RFX4: variants seen among roughly 807,000 people sequenced by gnomAD.
RFX4 encodes the protein regulatory factor X4, also known as transcription factor RFX4.
A neutral mutation model predicts 95.0 loss-of-function variants in RFX4; 10 were observed. That is an observed-to-expected ratio of 0.11 (90% CI 0.06 to 0.18). The LOEUF (loss-of-function observed/expected upper bound fraction) is 0.18. Among genes scored for constraint, RFX4 ranks in the 10% least tolerant of loss-of-function variants. RFX4 has a pLI of 1.00. For synonymous variants in RFX4, 321 were observed against 340.7 expected, an observed-to-expected ratio of 0.94 and a Z score of 0.64; for missense variants, 640 against 922.0, an observed-to-expected ratio of 0.69 and a Z score of 3.96.
intron 2 of RFX4, among the ~76,000 whole-genome samples, chr12:106,613,693 T>C (rs1323889461): frequency 6.6e-6 from 1 of 152,126 alleles, no homozygotes; most frequent in African/African-American, 2.4e-5. Flanking sequence ...GATATTAGTC[T>C]GTAGTTTTCT....
At chr12:106,713,190 A>G (rs898867019) in intron 10 of RFX4, among the ~76,000 whole-genome samples, 3 of 152,184 alleles carry the variant, frequency 2.0e-5, no homozygotes, top group Non-Finnish European at 2.9e-5. Flanking sequence ...ACACACATAC[A>G]CAGCAAGTCA....
At chr12:106,612,198 A>C (rs12310706) in intron 2 of RFX4, among the ~76,000 whole-genome samples, 1 of 151,932 alleles carries the variant, frequency 6.6e-6, no homozygotes, top group Admixed American at 6.5e-5. Context: ...ATTGCTTTGG[A>C]TAGTTTTAAC....
intron 17 of RFX4, among the ~76,000 whole-genome samples, chr12:106,756,508 G>C (rs2043111242): frequency 6.6e-6 from 1 of 152,032 alleles, no homozygotes; most frequent in South Asian, 2.1e-4. Flanking sequence ...GGACCATTGG[G>C]TGCTACAAAG....
intron 1 of RFX4, among the ~76,000 whole-genome samples, chr12:106,593,517 T>C (rs930465800): frequency 2.0e-5 from 3 of 152,198 alleles, no homozygotes; most frequent in Admixed American, 6.5e-5. Flanking sequence ...TAACGAGTGA[T>C]TAGTGATTGA....
chr12:106,718,879 G>C (rs2042341848), intron 11 of RFX4, among the ~76,000 whole-genome samples: 1 of 151,872 alleles, frequency 6.6e-6, no homozygotes, highest in Non-Finnish European at 1.5e-5. Flanking sequence ...GGGAGGCCAA[G>C]GCGGGCGGAT....
intron 13 of RFX4, among the ~76,000 whole-genome samples, chr12:106,729,805 T>C (rs529052805): frequency 1.3e-4 from 20 of 152,348 alleles, no homozygotes; most frequent in African/African-American, 4.6e-4. Flanking sequence ...GTGGCAGAGC[T>C]AGGATCTCAA....
intron 2 of RFX4, among the ~76,000 whole-genome samples, chr12:106,635,561 C>T (rs926867064): frequency 6.6e-6 from 1 of 152,118 alleles, no homozygotes; most frequent in Non-Finnish European, 1.5e-5. Context: ...GATCTGCCCC[C>T]CTCCGCCTCC....
chr12:106,674,173 A>C (rs1384574576), intron 4 of RFX4, among the ~76,000 whole-genome samples: 5 of 152,050 alleles, frequency 3.3e-5, no homozygotes, highest in East Asian at 1.9e-4. Context: ...ACAAGCTCCC[A>C]CCCAGGTCCT....
Position 106,601,457 on chromosome 12 carries a change from T to C in RFX4, c.44-7340T>C, listed in dbSNP as rs1165619526. 4.3e-6 allele frequency: 5 copies of C among 1,158,544 alleles called. No individual in the cohort carries two copies. The East Asian group carries it at 7.8e-5, about 18-fold the overall frequency. The allele number at this position is 1,158,544 out of a possible 1,614,324, so 71.8% of individuals were successfully genotyped here. A position where few individuals can be genotyped will look rare whatever the true frequency, so the allele number is the denominator to read the frequency against. On this transcript the variant is annotated intron_variant, in intron 1 of 17. Transcript: ENST00000392842. Reference sequence around the variant, plus strand: ...TGAGTGTGGCATGTCAACTCTTTTATGTAGCGTTTCTGGAGCTGCAATTTC... The same window carrying C: ...TGAGTGTGGCATGTCAACTCTTTTACGTAGCGTTTCTGGAGCTGCAATTTC...
chr12:106,647,909 G>C (rs1360668812), intron 3 of RFX4, among the ~76,000 whole-genome samples: 1 of 152,144 alleles, frequency 6.6e-6, no homozygotes, highest in Admixed American at 6.5e-5. Context: ...CTATATGCTT[G>C]TAAGTGGTGG....
chr12:106,671,649 CTTCTTTCTTTTCTT>C (rs1308265920), intron 4 of RFX4, among the ~76,000 whole-genome samples: 2 of 151,590 alleles, frequency 1.3e-5, no homozygotes, highest in African/African-American at 4.8e-5. Flanking sequence ...TGTTGTTTTC[CTTCTTTCTTTTCTT>C]TTCTTTCTTT....
intron 2 of RFX4, among the ~76,000 whole-genome samples, chr12:106,623,102 G>A (rs991480252): frequency 7.0e-6 from 1 of 142,428 alleles, no homozygotes; most frequent in Admixed American, 7.3e-5. Context: ...GCAGTGGCAT[G>A]AAATCGGCTC....
intron 2 of RFX4, among the ~76,000 whole-genome samples, chr12:106,615,836 G>T (rs1266209366): frequency 6.6e-6 from 1 of 152,124 alleles, no homozygotes; most frequent in East Asian, 1.9e-4. Flanking sequence ...TAGCCACTTT[G>T]CTAAATGTGC....
At chr12:106,655,648 G>A (rs1344581936) in intron 4 of RFX4, among the ~76,000 whole-genome samples, 1 of 152,182 alleles carries the variant, frequency 6.6e-6, no homozygotes, top group African/African-American at 2.4e-5. Flanking sequence ...GCCCAGATGA[G>A]GCCTCTTACA....
intron 4 of RFX4, among the ~76,000 whole-genome samples, chr12:106,666,533 T>C (rs2041180004): frequency 6.6e-6 from 1 of 152,138 alleles, no homozygotes; most frequent in Admixed American, 6.6e-5. Context: ...CTCTTTCTGA[T>C]ATTCTTATTA....
intron 3 of RFX4, among the ~76,000 whole-genome samples, chr12:106,648,451 G>C (rs1311639713): frequency 2.6e-5 from 4 of 151,888 alleles, no homozygotes; most frequent in Non-Finnish European, 4.4e-5. Context: ...CCGTTGACGG[G>C]TGTAGACTAC....
At chr12:106,735,595 C>G (rs2042695206) in intron 15 of RFX4, among the ~76,000 whole-genome samples, 1 of 152,142 alleles carries the variant, frequency 6.6e-6, no homozygotes, top group African/African-American at 2.4e-5. Flanking sequence ...AGATTCAATA[C>G]CTGAAACCAT....
At chr12:106,604,088 A>G (rs1268675129) in intron 1 of RFX4, among the ~76,000 whole-genome samples, 1 of 144,412 alleles carries the variant, frequency 6.9e-6, no homozygotes, top group Non-Finnish European at 1.5e-5. Context: ...AGTCTTATTC[A>G]TGTTTATATC....
At chr12:106,604,943 C>T (rs2039795819) in intron 1 of RFX4, among the ~76,000 whole-genome samples, 1 of 152,210 alleles carries the variant, frequency 6.6e-6, no homozygotes, top group African/African-American at 2.4e-5. Context: ...GGAGAGAGAA[C>T]TGTGATTATG....
Sources: gnomAD v4.1 joint callset for allele counts (sites outside exome capture counted in the v4.1 genomes callset) on GRCh38, gnomAD v4.1.1 for gene constraint, MANE v1.5 for transcripts, NCBI Gene and HGNC (gene_info 2026-07-23, HGNC 2026-07-21) for gene names.